CCNY: variants seen among roughly 807,000 people sequenced by gnomAD.
CCNY encodes cyclin-Y.
Under a neutral mutation model 42.8 loss-of-function variants are expected in CCNY, and 19 were observed. The observed-to-expected ratio is 0.44, with a 90% confidence interval of 0.31 to 0.65. The LOEUF is 0.65. Ranked by LOEUF, CCNY falls within the 30% of genes least tolerant of loss-of-function variation. CCNY has a pLI of 0.07. For missense variants in CCNY, 370 were observed against 437.3 expected, an observed-to-expected ratio of 0.85 and a Z score of 1.37; for synonymous variants, 165 against 162.7, an observed-to-expected ratio of 1.01 and a Z score of -0.11.
intron 8 of CCNY, among the ~76,000 whole-genome samples, chr10:35,562,933 T>G (rs1178233745): frequency 6.6e-6 from 1 of 151,676 alleles, no homozygotes; most frequent in East Asian, 1.9e-4. Flanking sequence ...AATTGGGTTT[T>G]TATACAGTGT....
At chr10:35,378,647 C>T (rs1027439628) in intron 1 of CCNY, among the ~76,000 whole-genome samples, 8 of 151,842 alleles carry the variant, frequency 5.3e-5, no homozygotes, top group Non-Finnish European at 2.9e-5. Flanking sequence ...AGATGAAGCC[C>T]GGGACGTGCT....
intron 1 of CCNY, among the ~76,000 whole-genome samples, chr10:35,353,017 C>T (rs1836461810): frequency 6.6e-6 from 1 of 152,176 alleles, no homozygotes; most frequent in South Asian, 2.1e-4. Context: ...CCTTGACCTC[C>T]CAGTCTCAAG....
upstream of CCNY, among the ~76,000 whole-genome samples, chr10:35,335,299 C>G (rs1361841701): frequency 6.6e-6 from 1 of 152,078 alleles, no homozygotes; most frequent in Non-Finnish European, 1.5e-5. Context: ...TTAACTTGTT[C>G]CCAACATGAC....
chr10:35,330,795 G>A (rs1227670439), intron 3 of CCNY, among the ~76,000 whole-genome samples: 3 of 149,404 alleles, frequency 2.0e-5, no homozygotes, highest in East Asian at 2.0e-4. Flanking sequence ...CGCTCCTGTC[G>A]TGCAGGCTGG....
chr10:35,381,507 G>T (rs536030210), intron 1 of CCNY, among the ~76,000 whole-genome samples: 5 of 151,794 alleles, frequency 3.3e-5, no homozygotes, highest in Admixed American at 2.6e-4. Context: ...TGGAGGTTGC[G>T]GTGAGCTGAG....
At chr10:35,533,787 G>C (rs1840820834) in intron 7 of CCNY, among the ~76,000 whole-genome samples, 1 of 152,130 alleles carries the variant, frequency 6.6e-6, no homozygotes, top group Admixed American at 6.5e-5. Flanking sequence ...AGAAATGTCT[G>C]GTCTTTTTGT....
At chr10:35,517,741 G>A (rs1460514164) in intron 4 of CCNY, among the ~76,000 whole-genome samples, 1 of 152,192 alleles carries the variant, frequency 6.6e-6, no homozygotes, top group African/African-American at 2.4e-5. Context: ...GGAGTGCACG[G>A]GAAGTGACTA....
In CCNY at chr10:35,420,539, A is replaced by G. The variant is rs1329294658; in HGVS notation, c.155-62865A>G. Reference sequence around the variant, plus strand: ...AGTTTGAGATGAACATGTTTGTGCAACTCAGCAACTCAGCACCTGATGGGG... The same window carrying G: ...AGTTTGAGATGAACATGTTTGTGCAGCTCAGCAACTCAGCACCTGATGGGG... On this transcript the variant is annotated intron_variant, in intron 1 of 9. Transcript: ENST00000374704. 2.0e-5 allele frequency among the ~76,000 whole-genome samples: 3 copies of G among 152,092 alleles called. No individual in the cohort carries two copies. The East Asian group carries it at 5.8e-4, about 29-fold the overall frequency.
At position 35,453,658 on chromosome 10, in the gene CCNY, C is replaced by T. The variant is rs115365715; in HGVS notation, c.155-29746C>T. Reference sequence around the variant, plus strand: ...CAGCATTTGGTAGGCTTATTTTTTACTCCTTTAAATTACTTCTTTCAAGTG... The same window carrying T: ...CAGCATTTGGTAGGCTTATTTTTTATTCCTTTAAATTACTTCTTTCAAGTG... On this transcript the variant is annotated intron_variant, in intron 1 of 9. Transcript: ENST00000374704. 3.4e-3 allele frequency among the ~76,000 whole-genome samples: 514 copies of T among 152,320 alleles called. 4 individuals carry two copies. Among genetic ancestry groups the T allele is most frequent in the African/African-American group, 0.012 (483 of 41,582 alleles).
intron 1 of CCNY, among the ~76,000 whole-genome samples, chr10:35,469,581 G>A (rs1839342395): frequency 6.6e-6 from 1 of 151,892 alleles, no homozygotes; most frequent in Non-Finnish European, 1.5e-5. Flanking sequence ...GACAGACAGG[G>A]AGATGGAGAG....
chr10:35,454,733 C>G (rs550607412), intron 1 of CCNY, among the ~76,000 whole-genome samples: 2 of 152,342 alleles, frequency 1.3e-5, no homozygotes, highest in South Asian at 4.1e-4. Flanking sequence ...GGTATGCTCT[C>G]TGGCAGCAGC....
intron 3 of CCNY, among the ~76,000 whole-genome samples, chr10:35,293,188 G>A (rs1462674566): frequency 1.3e-5 from 2 of 152,050 alleles, no homozygotes; most frequent in Admixed American, 6.6e-5. Context: ...CTTCATTTTT[G>A]TGCATATGAA....
At chr10:35,270,760 CTGT>C (rs1303878891) in intron 3 of CCNY, among the ~76,000 whole-genome samples, 6 of 134,216 alleles carry the variant, frequency 4.5e-5, no homozygotes, top group Non-Finnish European at 7.6e-5. Context: ...GAGTCTTGCT[CTGT>C]CGCCTAGGCT....
At chr10:35,317,016 T>C (rs1408704357) in intron 3 of CCNY, among the ~76,000 whole-genome samples, 1 of 152,200 alleles carries the variant, frequency 6.6e-6, no homozygotes, top group Non-Finnish European at 1.5e-5. Context: ...CGGCTAATTT[T>C]TCTATTTTTA....
chr10:35,312,548 C>G (rs898227414), intron 3 of CCNY, among the ~76,000 whole-genome samples: 2 of 151,804 alleles, frequency 1.3e-5, no homozygotes, highest in Non-Finnish European at 2.9e-5. Flanking sequence ...TAATGTAGTA[C>G]GATGTGAGGG....
At chr10:35,420,315 G>A (rs1428289295) in intron 1 of CCNY, among the ~76,000 whole-genome samples, 1 of 152,170 alleles carries the variant, frequency 6.6e-6, no homozygotes, top group Admixed American at 6.5e-5. Flanking sequence ...GAGCAGTGGA[G>A]GTGGAGTGGG....
chr10:35,537,768 G>T (rs1387019241), intron 7 of CCNY, among the ~76,000 whole-genome samples: 1 of 152,038 alleles, frequency 6.6e-6, no homozygotes, highest in East Asian at 1.9e-4. Flanking sequence ...GAGTTTTCAG[G>T]CTCATAGGTG....
intron 1 of CCNY, among the ~76,000 whole-genome samples, chr10:35,466,192 A>G (rs551530044): frequency 6.6e-6 from 1 of 152,206 alleles, no homozygotes; most frequent in African/African-American, 2.4e-5. Context: ...ACAGGCATGT[A>G]CCAGGCTTGG....
chr10:35,329,475 G>C (rs1252961428), intron 3 of CCNY, among the ~76,000 whole-genome samples: 1 of 152,142 alleles, frequency 6.6e-6, no homozygotes, highest in Non-Finnish European at 1.5e-5. Flanking sequence ...CCATTCTTTG[G>C]GGAGAGGTTA....
Sources: allele counts gnomAD v4.1 joint callset (sites outside exome capture counted in the v4.1 genomes callset), GRCh38; gene constraint gnomAD v4.1.1; transcripts MANE v1.5; gene names NCBI Gene and HGNC (gene_info 2026-07-23, HGNC 2026-07-21).